The following SIM1 variants were observed in gnomAD, a reference collection of about 807,000 sequenced individuals.
SIM1 encodes the protein single-minded homolog 1.
SIM1 carries 18 observed loss-of-function variants against 78.2 expected under a neutral mutation model. The ratio of observed to expected loss-of-function variants is 0.23; its 90% CI spans 0.16 to 0.34. The LOEUF (loss-of-function observed/expected upper bound fraction) is 0.34. Ranked by LOEUF, SIM1 falls within the 10% of genes least tolerant of loss-of-function variation. The probability of loss-of-function intolerance (pLI) is 1.00; values close to 1 mark genes in which losing one functional copy is unlikely to be tolerated. For missense variants in SIM1, 939 were observed against 975.1 expected, an observed-to-expected ratio of 0.96 and a Z score of 0.49; for synonymous variants, 417 against 385.2, an observed-to-expected ratio of 1.08 and a Z score of -0.97.
At chr6:100,411,907 G>A (rs566842501) in intron 10 of SIM1, among the ~76,000 whole-genome samples, 4 of 152,230 alleles carry the variant, frequency 2.6e-5, no homozygotes, top group African/African-American at 9.6e-5. Flanking sequence ...GCACAAGCGT[G>A]GGGGCAGAAA....
At chr6:100,435,792 C>A (rs181753087) in intron 9 of SIM1, among the ~76,000 whole-genome samples, 1 of 152,106 alleles carries the variant, frequency 6.6e-6, no homozygotes, top group Non-Finnish European at 1.5e-5. Flanking sequence ...AACTCAAACC[C>A]CAAAATTTTG....
intron 9 of SIM1, among the ~76,000 whole-genome samples, chr6:100,436,990 C>A (rs1010634723): frequency 3.3e-5 from 5 of 152,080 alleles, no homozygotes; most frequent in African/African-American, 1.2e-4. Flanking sequence ...CCTACCTCAG[C>A]CTCTCAAAGT....
intron 10 of SIM1, among the ~76,000 whole-genome samples, chr6:100,414,610 C>T (rs750925021): frequency 7.3e-4 from 111 of 152,112 alleles, no homozygotes; most frequent in Non-Finnish European, 1.0e-3. Flanking sequence ...AGGAAGATAA[C>T]CTAAATTTTT....
At chr6:100,443,035 G>T (rs1011743500) in intron 9 of SIM1, among the ~76,000 whole-genome samples, 2 of 151,878 alleles carry the variant, frequency 1.3e-5, no homozygotes, top group African/African-American at 4.8e-5. Context: ...AAAAGTATAG[G>T]ATCTGCAGTA....
chr6:100,420,153 G>A (rs1014909244), intron 10 of SIM1, among the ~76,000 whole-genome samples: 1 of 152,124 alleles, frequency 6.6e-6, no homozygotes, highest in Non-Finnish European at 1.5e-5. Flanking sequence ...GTCTGTGACT[G>A]AACAGAAAAA....
chr6:100,414,564 G>C (rs1413604290), intron 10 of SIM1, among the ~76,000 whole-genome samples: 1 of 152,034 alleles, frequency 6.6e-6, no homozygotes, highest in East Asian at 1.9e-4. Flanking sequence ...CCATGAACAG[G>C]AAATACAAAT....
chr6:100,429,248 T>C (rs1232576798), intron 9 of SIM1, among the ~76,000 whole-genome samples: 1 of 152,002 alleles, frequency 6.6e-6, no homozygotes, highest in Non-Finnish European at 1.5e-5. Flanking sequence ...CACATGCCTG[T>C]AGTCCCAGCT....
At chr6:100,426,222 G>T (rs150778077) in intron 9 of SIM1, among the ~76,000 whole-genome samples, 1 of 152,302 alleles carries the variant, frequency 6.6e-6, no homozygotes, top group African/African-American at 2.4e-5. Context: ...ACTAGGAATT[G>T]CAGCTTGTCA....
rs539810010 is a variant in SIM1, at chr6:100,385,498, A to G, written c.*4863T>C. Reference sequence around the variant, plus strand: ...ATCAGGGTTACCGGGTGTAAGTTTAACAGTGATTACATGTGTCCCAGGTCA... The same window carrying G: ...ATCAGGGTTACCGGGTGTAAGTTTAGCAGTGATTACATGTGTCCCAGGTCA... On this transcript the variant is annotated 3_prime_UTR_variant, in exon 12 of 12. Transcript: ENST00000369208. 6.6e-6 allele frequency: 1 copy of G among 151,998 alleles called. No homozygotes were observed. The highest frequency in any genetic ancestry group is 2.4e-5 in the African/African-American group (1 of 41,402). The allele number at this position is 151,998 out of a possible 1,614,324, so 9.4% of individuals were successfully genotyped here. A position where few individuals can be genotyped will look rare whatever the true frequency, so the allele number is the denominator to read the frequency against.
At chr6:100,437,940 C>G (rs990933890) in intron 9 of SIM1, among the ~76,000 whole-genome samples, 1 of 152,154 alleles carries the variant, frequency 6.6e-6, no homozygotes, top group Admixed American at 6.5e-5. Context: ...GGATCCCCGT[C>G]TCTCACCTTG....
intron 10 of SIM1, among the ~76,000 whole-genome samples, chr6:100,410,891 C>T (rs1771172866): frequency 6.6e-6 from 1 of 152,108 alleles, no homozygotes; most frequent in African/African-American, 2.4e-5. Flanking sequence ...GAGGAGGGAA[C>T]AAGAGTCAAG....
intron 10 of SIM1, among the ~76,000 whole-genome samples, chr6:100,420,106 G>T (rs896664759): frequency 6.6e-6 from 1 of 152,160 alleles, no homozygotes; most frequent in Non-Finnish European, 1.5e-5. Context: ...CAGGCCAGGA[G>T]AGCTGTGTAC....
chr6:100,436,336 G>A (rs1197485675), intron 9 of SIM1, among the ~76,000 whole-genome samples: 7 of 152,124 alleles, frequency 4.6e-5, no homozygotes. Flanking sequence ...CACATAATAG[G>A]TGTTCAATAA....
chr6:100,420,323 T>C (rs754586110), intron 10 of SIM1, among the ~76,000 whole-genome samples: 3 of 152,220 alleles, frequency 2.0e-5, no homozygotes, highest in Non-Finnish European at 2.9e-5. Context: ...ATTTCATTCC[T>C]TCTAGTAAAT....
rs1771248155 is a variant in SIM1 at position 100,412,636 on chromosome 6, GAAAAGAAAGAAAGAA to G, written c.1167+8139_1167+8153del. Among the ~76,000 whole-genome samples the G allele has an allele frequency of 1.6e-4, 12 of 75,764 alleles. 1 individual carries two copies. The highest frequency in any genetic ancestry group is 5.5e-4 in the African/African-American group (12 of 21,690). 49.7% of individuals were successfully genotyped at this position (75,764 alleles called of 152,430 possible). A position where few individuals can be genotyped will look rare whatever the true frequency, so the allele number is the denominator to read the frequency against. ...GGAAAGAAAGAAGGAAAGAAAGAAAGAAAAGAAAGAAAGAAAGAAAGAGAGAGAGAGAGAGAGAAA... is the reference window on the plus strand; with the variant it reads ...GGAAAGAAAGAAGGAAAGAAAGAAAGAGAAAGAGAGAGAGAGAGAGAGAAA... On this transcript the variant is annotated intron_variant, in intron 10 of 11. Coordinates refer to ENST00000369208, the MANE Select transcript of SIM1 (RefSeq NM_005068.3).
At position 100,429,123 on chromosome 6, in the gene SIM1, C is replaced by T. The variant is rs576907602; in HGVS notation, c.999-8165G>A. On this transcript the variant is annotated intron_variant, in intron 9 of 11. Transcript: ENST00000369208. ...GTAGCTCACGCCTGTAATCCCAGCACTTTGGGAGGCCAAGGCAGGTGGATC... is the reference window on the plus strand; with the variant it reads ...GTAGCTCACGCCTGTAATCCCAGCATTTTGGGAGGCCAAGGCAGGTGGATC... Among the ~76,000 whole-genome samples the T allele has an allele frequency of 1.6e-3, 246 of 152,276 alleles. 1 individual carries two copies. The highest frequency in any genetic ancestry group is 3.1e-3 in the Admixed American group (47 of 15,298).
chr6:100,443,107 T>C (rs982562969), intron 9 of SIM1, among the ~76,000 whole-genome samples: 1 of 152,048 alleles, frequency 6.6e-6, no homozygotes, highest in African/African-American at 2.4e-5. Context: ...ATGTCACCTT[T>C]GGTATTTAGC....
chr6:100,419,998 C>A (rs1771525555), intron 10 of SIM1, among the ~76,000 whole-genome samples: 1 of 152,056 alleles, frequency 6.6e-6, no homozygotes, highest in African/African-American at 2.4e-5. Context: ...TAGTGAACTG[C>A]AGGAGGTATG....
chr6:100,398,059 C>T (rs148570144), intron 10 of SIM1, among the ~76,000 whole-genome samples: 1 of 152,202 alleles, frequency 6.6e-6, no homozygotes, highest in East Asian at 1.9e-4. Flanking sequence ...TCATACAATG[C>T]TGATGGGAAT....
Sources: gnomAD v4.1 joint callset for allele counts (sites outside exome capture counted in the v4.1 genomes callset) on GRCh38, gnomAD v4.1.1 for gene constraint, MANE v1.5 for transcripts, NCBI Gene and HGNC (gene_info 2026-07-23, HGNC 2026-07-21) for gene names.